The following AFF3 variants were observed in gnomAD, a reference collection of about 807,000 sequenced individuals.
AFF3 encodes ALF transcription elongation factor 3.
Under a neutral mutation model 129.7 loss-of-function variants are expected in AFF3, and 32 were observed. The ratio of observed to expected loss-of-function variants is 0.25; its 90% CI spans 0.19 to 0.33. AFF3 has a LOEUF of 0.33. Among genes scored for constraint, AFF3 ranks in the 10% least tolerant of loss-of-function variants. The pLI, the probability that AFF3 is intolerant of heterozygous loss-of-function variation, is 1.00. For synonymous variants in AFF3, 644 were observed against 635.4 expected (o/e 1.01, Z -0.20); for missense variants, 1,373 against 1,592.0 (o/e 0.86, Z 2.34).
intron 4 of AFF3, among the ~76,000 whole-genome samples, chr2:100,072,964 T>C (rs1368601923): frequency 2.0e-5 from 3 of 152,338 alleles, no homozygotes; most frequent in Non-Finnish European, 4.4e-5. Flanking sequence ...ATTGTTGGAA[T>C]GAGACATTGT....
intron 7 of AFF3, among the ~76,000 whole-genome samples, chr2:99,977,512 T>A (rs546202137): frequency 1.4e-4 from 21 of 152,368 alleles, no homozygotes; most frequent in East Asian, 1.9e-4. Context: ...CAATTTTTTT[T>A]AAAAATCAGT....
intron 8 of AFF3, among the ~76,000 whole-genome samples, chr2:99,832,028 C>T (rs937264247): frequency 1.3e-5 from 2 of 152,234 alleles, no homozygotes; most frequent in Non-Finnish European, 2.9e-5. Context: ...ATTTGACGTA[C>T]TTGCGTCAGT....
At chr2:99,684,164 TCA>T (rs1423440971) in intron 11 of AFF3, among the ~76,000 whole-genome samples, 1 of 152,188 alleles carries the variant, frequency 6.6e-6, no homozygotes, top group Non-Finnish European at 1.5e-5. Context: ...CCACCTAAGC[TCA>T]TTTAGTCTCT....
intron 9 of AFF3, among the ~76,000 whole-genome samples, chr2:99,748,956 A>C (rs534885702): frequency 3.3e-5 from 5 of 152,280 alleles, no homozygotes; most frequent in Middle Eastern, 3.4e-3. Context: ...GATTCTACAT[A>C]TAGGTAATGA....
At chr2:99,910,753 G>C (rs1695049310) in intron 7 of AFF3, among the ~76,000 whole-genome samples, 1 of 152,204 alleles carries the variant, frequency 6.6e-6, no homozygotes, top group Non-Finnish European at 1.5e-5. Context: ...TGTAATAATT[G>C]CATGAATTTT....
chr2:100,027,748 T>C (rs1301923573), intron 4 of AFF3, among the ~76,000 whole-genome samples: 1 of 152,242 alleles, frequency 6.6e-6, no homozygotes, highest in Non-Finnish European at 1.5e-5. Context: ...TAGATAAAAA[T>C]GTGTTCCCTG....
intron 8 of AFF3, among the ~76,000 whole-genome samples, chr2:99,754,780 C>A (rs1681951335): frequency 6.6e-6 from 1 of 152,182 alleles, no homozygotes; most frequent in African/African-American, 2.4e-5. Flanking sequence ...TCCTCCTGAT[C>A]TTCGTACCTT....
chr2:99,982,491 A>T (rs1230236522), intron 7 of AFF3, among the ~76,000 whole-genome samples: 4 of 152,164 alleles, frequency 2.6e-5, no homozygotes, highest in African/African-American at 7.2e-5. Context: ...GTATGTCTTT[A>T]TCAGTACCAT....
intron 1 of AFF3, among the ~76,000 whole-genome samples, chr2:100,135,802 C>T (rs1233306625): frequency 6.6e-6 from 1 of 152,128 alleles, no homozygotes; most frequent in Admixed American, 6.5e-5. Context: ...GCGCTAAGAA[C>T]AGTGTGAAGG....
intron 4 of AFF3, among the ~76,000 whole-genome samples, chr2:100,036,541 C>T (rs1684924776): frequency 6.6e-6 from 1 of 150,972 alleles, no homozygotes; most frequent in South Asian, 2.1e-4. Context: ...GAAAGAAAGG[C>T]AGGGGCTGGC....
chr2:99,810,898 C>T (rs535411915), intron 8 of AFF3, among the ~76,000 whole-genome samples: 2 of 152,294 alleles, frequency 1.3e-5, no homozygotes, highest in South Asian at 4.1e-4. Flanking sequence ...GCCAGCGACA[C>T]TGGACAAGTC....
intron 4 of AFF3, among the ~76,000 whole-genome samples, chr2:100,042,822 G>T (rs1209144986): frequency 1.3e-5 from 2 of 152,176 alleles, no homozygotes; most frequent in Non-Finnish European, 2.9e-5. Flanking sequence ...CATCAGAGTT[G>T]CTTAATAAAT....
At chr2:99,860,341 C>G (rs1252168746) in intron 7 of AFF3, among the ~76,000 whole-genome samples, 1 of 152,066 alleles carries the variant, frequency 6.6e-6, no homozygotes, top group Non-Finnish European at 1.5e-5. Context: ...ATCACGAGGT[C>G]AGGAGATTGA....
chr2:100,105,974 C>A lies in AFF3; in HGVS notation c.-144-391G>T, dbSNP rs537625102. On this transcript the variant is annotated intron_variant, in intron 2 of 24. Coordinates refer to ENST00000672756, the MANE Select transcript of AFF3 (RefSeq NM_001386135.1). ...TGACTGGGGCTGCCAGAAATGTAAA[C>A]CCTGGGTGCAAGTGACGGGATCCCT... 264 of 1,326,818 alleles carry A rather than the reference C, an allele frequency of 2.0e-4. 1 individual carries two copies. The African/African-American group carries it at 2.6e-3, about 13-fold the overall frequency. 82.2% of individuals were successfully genotyped at this position (1,326,818 alleles called of 1,614,324 possible).
At position 99,818,058 on chromosome 2, in the gene AFF3, T is replaced by G. The variant is rs75390375; in HGVS notation, c.921+19419A>C. ...ATAACTCAAGGGACTGAATATAATT[T>G]AAAAGTAATATACCCAATACAGGTT... On this transcript the variant is annotated intron_variant, in intron 8 of 24. Coordinates refer to ENST00000672756, the MANE Select transcript of AFF3 (RefSeq NM_001386135.1). Among the ~76,000 whole-genome samples the G allele has an allele frequency of 4.6e-3, 699 of 152,306 alleles. 3 individuals are homozygous for G. Among genetic ancestry groups the G allele is most frequent in the African/African-American group, 0.016 (665 of 41,574 alleles).
intron 12 of AFF3, among the ~76,000 whole-genome samples, chr2:99,667,594 T>A (rs867078468): frequency 6.6e-5 from 10 of 152,090 alleles, no homozygotes; most frequent in African/African-American, 2.4e-4. Context: ...TCAATACAGT[T>A]AATAAACCTC....
chr2:99,546,665 T>A lies in AFF3; in HGVS notation c.*4809A>T, dbSNP rs183795895. On this transcript the variant is annotated 3_prime_UTR_variant, in exon 25 of 25. Transcript: ENST00000672756. ...CAAACTTACCCTCCCACATAGGGGA[T>A]GCTTCATGTCAAGCCACTGGTCTAA... 2.2e-3 allele frequency: 503 copies of A among 230,902 alleles called. 1 individual carries two copies. The highest frequency in any genetic ancestry group is 0.018 in the South Asian group (98 of 5,492). The allele number at this position is 230,902 out of a possible 1,614,324, so 14.3% of individuals were successfully genotyped here.
intron 14 of AFF3, 152 bp from the exon 15 acceptor site, chr2:99,594,441 T>TGTGTGGCAGCCCC (rs1246907574): frequency 3.4e-6 from 4 of 1,177,306 alleles, no homozygotes; most frequent in African/African-American, 1.5e-5. Context: ...GCATTAAGCG[T>TGTGTGGCAGCCCC]GTGTGGCAGC....
intron 8 of AFF3, among the ~76,000 whole-genome samples, chr2:99,824,109 A>G (rs1249460420): frequency 6.6e-6 from 1 of 152,148 alleles, no homozygotes; most frequent in African/African-American, 2.4e-5. Flanking sequence ...ATTAAAAAAG[A>G]ATATAAAATC....
Sources: allele counts gnomAD v4.1 joint callset (sites outside exome capture counted in the v4.1 genomes callset), GRCh38; gene constraint gnomAD v4.1.1; transcripts MANE v1.5; gene names NCBI Gene and HGNC (gene_info 2026-07-23, HGNC 2026-07-21).